Variants in CSGALNACT1 observed in about 807,000 individuals in gnomAD.
CSGALNACT1 encodes the protein beta4GalNAcT-1.
Under a neutral mutation model 51.0 loss-of-function variants are expected in CSGALNACT1, and 52 were observed. The ratio of observed to expected loss-of-function variants is 1.02; its 90% CI spans 0.82 to 1.29. The LOEUF is 1.29. Ranked by LOEUF, CSGALNACT1 falls within the 50% of genes most tolerant of loss-of-function variation. The pLI is 0.00. For synonymous variants in CSGALNACT1, 341 were observed against 254.4 expected, an observed-to-expected ratio of 1.34 and a Z score of -3.24; for missense variants, 935 against 679.2, an observed-to-expected ratio of 1.38 and a Z score of -4.19.
At chr8:19,725,853 C>A (rs967827596) in intron 1 of CSGALNACT1, among the ~76,000 whole-genome samples, 2 of 152,088 alleles carry the variant, frequency 1.3e-5, no homozygotes, top group Middle Eastern at 3.2e-3. Context: ...ACTCACATAC[C>A]CTAGCAGAGT....
At chr8:19,500,359 C>A (rs956085375) in intron 4 of CSGALNACT1, among the ~76,000 whole-genome samples, 3 of 152,124 alleles carry the variant, frequency 2.0e-5, no homozygotes, top group Admixed American at 2.0e-4. Flanking sequence ...AAGGAGAATC[C>A]CCACTCTTCC....
At chr8:19,494,073 T>C (rs1046842702) in intron 4 of CSGALNACT1, among the ~76,000 whole-genome samples, 2 of 152,244 alleles carry the variant, frequency 1.3e-5, no homozygotes, top group South Asian at 2.1e-4. Flanking sequence ...CAACAAACCA[T>C]TGAATAACCT....
exon 4 of CSGALNACT1, chr8:19,505,240 G>C (rs1448404267): frequency 6.2e-7 from 1 of 1,614,098 alleles, no homozygotes; most frequent in Non-Finnish European, 8.5e-7. Flanking sequence ...CGGTGATTGG[G>C]GCTGTTCTCT....
intron 5 of CSGALNACT1, among the ~76,000 whole-genome samples, chr8:19,451,940 G>C (rs1409252463): frequency 1.3e-5 from 2 of 152,206 alleles, no homozygotes; most frequent in Non-Finnish European, 2.9e-5. Context: ...AACTGTATGA[G>C]AGCAAAGGGT....
upstream of CSGALNACT1, chr8:19,682,771 A>C (rs757787215): frequency 2.2e-6 from 1 of 453,982 alleles, no homozygotes; most frequent in South Asian, 1.6e-5. Context: ...CGTCTGCCCA[A>C]GTTTGAGGTC....
chr8:19,458,967 T>C (rs565867184), intron 4 of CSGALNACT1, among the ~76,000 whole-genome samples: 8 of 152,306 alleles, frequency 5.3e-5, no homozygotes, highest in African/African-American at 1.4e-4. Context: ...GACTATGATA[T>C]AGAGTGGGAT....
At chr8:19,472,756 T>A (rs1234389342) in intron 4 of CSGALNACT1, among the ~76,000 whole-genome samples, 1 of 152,230 alleles carries the variant, frequency 6.6e-6, no homozygotes, top group Non-Finnish European at 1.5e-5. Context: ...AAAAAGCTTA[T>A]CAACTTTCCA....
At chr8:19,676,268 T>C (rs534790558) in intron 1 of CSGALNACT1, among the ~76,000 whole-genome samples, 7 of 152,242 alleles carry the variant, frequency 4.6e-5, no homozygotes, top group Non-Finnish European at 8.8e-5. Flanking sequence ...ACCCAGATGT[T>C]AGAATTATCA....
At chr8:19,405,950 G>A in exon 10 of CSGALNACT1, 6 of 1,614,136 alleles carry the variant, frequency 3.7e-6, no homozygotes, top group Non-Finnish European at 5.1e-6. Context: ...CGCTTCTCAT[G>A]CCAGAGGTGG....
intron 1 of CSGALNACT1, among the ~76,000 whole-genome samples, chr8:19,693,319 G>A (rs992399629): frequency 6.6e-6 from 1 of 151,898 alleles, no homozygotes; most frequent in African/African-American, 2.4e-5. Context: ...AGGTGCTTCT[G>A]AACACCCCCA....
chr8:19,749,151 A>G (rs1406786733), intron 1 of CSGALNACT1, among the ~76,000 whole-genome samples: 1 of 150,924 alleles, frequency 6.6e-6, no homozygotes, highest in Non-Finnish European at 1.5e-5. Flanking sequence ...ATTCCCAAGA[A>G]CCATTTGAAC....
At chr8:19,542,905 T>A (rs2085557191) in intron 3 of CSGALNACT1, among the ~76,000 whole-genome samples, 1 of 152,196 alleles carries the variant, frequency 6.6e-6, no homozygotes, top group Non-Finnish European at 1.5e-5. Flanking sequence ...TGTTTCCTGA[T>A]AAATTCATTT....
upstream of CSGALNACT1, among the ~76,000 whole-genome samples, chr8:19,604,260 A>G (rs2051025364): frequency 6.6e-6 from 1 of 152,166 alleles, no homozygotes; most frequent in Non-Finnish European, 1.5e-5. Flanking sequence ...CAGGTATACT[A>G]CCAGCTAATG....
chr8:19,517,789 A>C (rs932933553), intron 3 of CSGALNACT1, among the ~76,000 whole-genome samples: 1 of 152,194 alleles, frequency 6.6e-6, no homozygotes, highest in Non-Finnish European at 1.5e-5. Context: ...CCATGATTCA[A>C]TTATCTCCCA....
chr8:19,675,020 T>C (rs1244845282), intron 1 of CSGALNACT1, among the ~76,000 whole-genome samples: 1 of 152,088 alleles, frequency 6.6e-6, no homozygotes, highest in Non-Finnish European at 1.5e-5. Context: ...TCAATTGACA[T>C]CATCTAGATG....
At chr8:19,599,697 G>A (rs2049977111) in intron 2 of CSGALNACT1, among the ~76,000 whole-genome samples, 1 of 152,182 alleles carries the variant, frequency 6.6e-6, no homozygotes, top group Non-Finnish European at 1.5e-5. Context: ...TAAAGTTAAA[G>A]CTACCACAGT....
chr8:19,465,895 A>C (rs1427772148), intron 4 of CSGALNACT1, among the ~76,000 whole-genome samples: 2 of 152,220 alleles, frequency 1.3e-5, no homozygotes, highest in Non-Finnish European at 2.9e-5. Flanking sequence ...TTTCATATGC[A>C]GAAGAAGATA....
At chr8:19,510,426 G>C (rs756807968) in intron 3 of CSGALNACT1, among the ~76,000 whole-genome samples, 2 of 152,154 alleles carry the variant, frequency 1.3e-5, no homozygotes, top group Non-Finnish European at 2.9e-5. Context: ...GACAGTCTCA[G>C]TCCACTCTAT....
chr8:19,742,284 T>A (rs1315870699), intron 1 of CSGALNACT1, among the ~76,000 whole-genome samples: 1 of 152,204 alleles, frequency 6.6e-6, no homozygotes, highest in Non-Finnish European at 1.5e-5. Flanking sequence ...CCCAGACATC[T>A]TAGACTTCAG....
Sources: allele counts gnomAD v4.1 joint callset (sites outside exome capture counted in the v4.1 genomes callset), GRCh38; gene constraint gnomAD v4.1.1; transcripts MANE v1.5; gene names NCBI Gene and HGNC (gene_info 2026-07-23, HGNC 2026-07-21).